Variants in ATF5 observed in about 807,000 individuals in gnomAD.
ATF5 encodes activating transcription factor 5, also known as cyclic AMP-dependent transcription factor ATF-5.
Under a neutral mutation model 4.6 loss-of-function variants are expected in ATF5, and 6 were observed. The observed-to-expected ratio is 1.31, with a 90% CI of 0.72 to 2.59. The LOEUF is 2.59. Among genes scored for constraint, ATF5 ranks in the 30% most tolerant of loss-of-function variants. The pLI, the probability that ATF5 is intolerant of heterozygous loss-of-function variation, is 0.00. For synonymous variants in ATF5, 193 were observed against 165.0 expected (o/e 1.17, Z -1.30); for missense variants, 410 against 368.7 (o/e 1.11, Z -0.92).
chr19:49,932,580 G>C lies in ATF5; in HGVS notation c.337G>C (p.Glu113Gln). Reference protein sequence around the residue: ...SLLKKELEQMEDFFLDAPPLP... With the variant: ...SLLKKELEQMQDFFLDAPPLP... ...CCTCAAGAAGGAGCTGGAACAGATG[G>C]AAGACTTCTTCCTAGATGCCCCGCC... Residue 113 changes from glutamate to glutamine, a missense_variant, in exon 3 of 3, where the codon GAA (glutamate) becomes CAA (glutamine). Transcript: ENST00000423777. 3 of 1,601,304 alleles carry C rather than the reference G, an allele frequency of 1.9e-6. No homozygotes were observed. The highest frequency in any genetic ancestry group is 2.6e-6 in the Non-Finnish European group (3 of 1,176,054).
At chr19:49,931,400 C>T (rs1367164732) in intron 2 of ATF5, among the ~76,000 whole-genome samples, 1 of 152,072 alleles carries the variant, frequency 6.6e-6, no homozygotes, top group Non-Finnish European at 1.5e-5. Flanking sequence ...GCCTGTAATC[C>T]CAGCACTTTG....
At position 49,932,500 on chromosome 19, in the gene ATF5, G is replaced by GCCCCCCCC; in HGVS notation, c.258_259insCCCCCCCC (p.Thr87ProfsTer34). On this transcript the variant is annotated frameshift_variant, in exon 3 of 3. Transcript: ENST00000423777. LOFTEE classifies it low-confidence loss of function (END_TRUNC). ...CCTCTGGAGCCTCCCTTACCCCCCGGCACCCTCCCCCAACCTTCCCCAACC... is the reference window on the plus strand; with the variant it reads ...CCTCTGGAGCCTCCCTTACCCCCCGGCCCCCCCCCACCCTCCCCCAACCTTCCCCAACC... 2 of 1,430,930 alleles carry GCCCCCCCC rather than the reference G, an allele frequency of 1.4e-6. No homozygotes were observed. Among genetic ancestry groups the GCCCCCCCC allele is most frequent in the Non-Finnish European group, 9.5e-7 (1 of 1,052,670 alleles). The allele number at this position is 1,430,930 out of a possible 1,614,324, so 88.6% of individuals were successfully genotyped here. A position where few individuals can be genotyped will look rare whatever the true frequency, so the allele number is the denominator to read the frequency against.
chr19:49,930,334 A>T (rs1472071861), intron 1 of ATF5: 2 of 152,148 alleles, frequency 1.3e-5, no homozygotes, highest in African/African-American at 4.8e-5. Flanking sequence ...GGCCAAAAGG[A>T]AATATTTTAG....
chr19:49,930,412 G>C, intron 1 of ATF5: 1 of 160,940 alleles, frequency 6.2e-6, no homozygotes, highest in Non-Finnish European at 1.3e-5. Context: ...AATATTCTGA[G>C]GTGGATGGGA....
rs1476671207 is a variant in ATF5 at position 49,933,294 on chromosome 19, C to G, written c.*202C>G. 1.3e-5 allele frequency: 6 copies of G among 468,568 alleles called. No homozygotes were observed. In the East Asian group the frequency reaches 1.7e-4, roughly 13 times the overall value. The allele number at this position is 468,568 out of a possible 1,614,324, so 29.0% of individuals were successfully genotyped here. A position where few individuals can be genotyped will look rare whatever the true frequency, so the allele number is the denominator to read the frequency against. Reference sequence around the variant, plus strand: ...TGGGCAACATAGTAAGACCCTGTCTCTATTAAAAAAAAAAAATCAACCCTT... The same window carrying G: ...TGGGCAACATAGTAAGACCCTGTCTGTATTAAAAAAAAAAAATCAACCCTT... On this transcript the variant is annotated 3_prime_UTR_variant, in exon 3 of 3. Coordinates refer to ENST00000423777, the MANE Select transcript of ATF5 (RefSeq NM_001193646.2).
chr19:49,931,066 G>T, intron 2 of ATF5, 38 bp downstream of exon 2: 1 of 1,455,292 alleles, frequency 6.9e-7, no homozygotes, highest in Non-Finnish European at 9.1e-7. Context: ...GGAGTGGAGG[G>T]CAGGGGAAGA....
Position 49,930,768 on chromosome 19 carries a change from C to T in ATF5, c.-83C>T, listed in dbSNP as rs575395939. ...TCGCCTTGGTGCCTGTCTTCGCCCACCTGAGCATCCTCCAGAGCCTCGTGC... is the reference window on the plus strand; with the variant it reads ...TCGCCTTGGTGCCTGTCTTCGCCCATCTGAGCATCCTCCAGAGCCTCGTGC... On this transcript the variant is annotated 5_prime_UTR_variant, in exon 2 of 3. Transcript: ENST00000423777. 3 of 1,281,498 alleles carry T rather than the reference C, an allele frequency of 2.3e-6. No homozygotes were observed. Among genetic ancestry groups the T allele is most frequent in the South Asian group, 1.6e-5 (1 of 60,770 alleles). 79.4% of individuals were successfully genotyped at this position (1,281,498 alleles called of 1,614,324 possible). A position where few individuals can be genotyped will look rare whatever the true frequency, so the allele number is the denominator to read the frequency against.
rs1050808877 is a variant in ATF5 at position 49,932,549 on chromosome 19, C to T, written c.306C>T (p.Ala102=). 1 of 1,565,160 alleles carries T rather than the reference C, an allele frequency of 6.4e-7. No homozygotes were observed. ...SPTPPDLEAM[A]SLLKKELEQM... Reference sequence around the variant, plus strand: ...CCCCACCTGACCTGGAAGCTATGGCCTCCCTCCTCAAGAAGGAGCTGGAAC... The same window carrying T: ...CCCCACCTGACCTGGAAGCTATGGCTTCCCTCCTCAAGAAGGAGCTGGAAC... The change falls in exon 3 of 3, where the codon GCC becomes GCT. Residue 102 remains alanine (A), a synonymous_variant. Coordinates refer to ENST00000423777, the MANE Select transcript of ATF5 (RefSeq NM_001193646.2).
In ATF5 at chr19:49,933,277, A is replaced by G; in HGVS notation, c.*185A>G. 1 of 565,064 alleles carries G rather than the reference A, an allele frequency of 1.8e-6. No homozygotes were observed. Among genetic ancestry groups the G allele is most frequent in the Admixed American group, 3.3e-5 (1 of 29,906 alleles). 35.0% of individuals were successfully genotyped at this position (565,064 alleles called of 1,614,324 possible). ...GGAGGTCAATACCAGCCTGGGCAAC[A>G]TAGTAAGACCCTGTCTCTATTAAAA... On this transcript the variant is annotated 3_prime_UTR_variant, in exon 3 of 3. Coordinates refer to ENST00000423777, the MANE Select transcript of ATF5 (RefSeq NM_001193646.2).
chr19:49,930,628 A>G, intron 1 of ATF5, 104 bp from the exon 2 acceptor site: 1 of 413,016 alleles, frequency 2.4e-6, no homozygotes, highest in East Asian at 3.6e-5. Flanking sequence ...AGGGGGAGGG[A>G]GGAGCCTCAT....
intron 2 of ATF5, among the ~76,000 whole-genome samples, chr19:49,931,614 TG>T (rs1328970416): frequency 2.0e-5 from 3 of 151,994 alleles, no homozygotes; most frequent in Non-Finnish European, 2.9e-5. Flanking sequence ...GCCACTGCAC[TG>T]CAGCCTGGGC....
intron 1 of ATF5, chr19:49,930,237 A>C (rs1456840819): frequency 1.3e-5 from 2 of 151,900 alleles, no homozygotes; most frequent in South Asian, 2.1e-4. Context: ...GAGGAGTGGG[A>C]TTTGAGTGGA....
chr19:49,929,536 GGCCGAAGGCGCGCGGCT>G (rs1341655349), intron 1 of ATF5, 136 bp downstream of exon 1: 1 of 152,338 alleles, frequency 6.6e-6, no homozygotes, highest in African/African-American at 2.4e-5. Flanking sequence ...TAGTACGGTG[GGCCGAAGGCGCGCGGCT>G]GCGCATGCGC....
At chr19:49,932,381 C>T (rs746964025) in intron 2 of ATF5, 41 bp from the exon 3 acceptor site, 8 of 1,607,180 alleles carry the variant, frequency 5.0e-6, no homozygotes, top group Non-Finnish European at 6.8e-6. Context: ...AGAAGACCAG[C>T]AACTCAGGGA....
upstream of ATF5, chr19:49,928,917 G>A (rs540655839): frequency 3.9e-5 from 6 of 152,670 alleles, no homozygotes; most frequent in East Asian, 1.9e-4. Flanking sequence ...GAGGCAGAAA[G>A]AGAAAGAAAC....
chr19:49,931,248 T>G (rs2076059526), intron 2 of ATF5: 1 of 419,818 alleles, frequency 2.4e-6, no homozygotes, highest in Non-Finnish European at 4.2e-6. Context: ...GAGAGTGTAT[T>G]GGAATAAGTC....
In ATF5 at chr19:49,930,896, C is replaced by T; in HGVS notation, c.46C>T (p.Leu16Phe). 1.2e-6 allele frequency: 2 copies of T among 1,611,010 alleles called. No homozygotes were observed. The highest frequency in any genetic ancestry group is 1.1e-5 in the South Asian group (1 of 90,600). ...GGGGCTGGAGCTGGACAGGGCCCTG[C>T]TCCCAGCTAGTGGGCTGGGATGGCT... is the stretch of plus-strand genomic sequence containing the variant. ...TLGLELDRAL[L>F]PASGLGWLVD... Residue 16 changes from leucine (L) to phenylalanine (F), a missense_variant, in exon 2 of 3, where the codon CTC becomes TTC. Coordinates refer to ENST00000423777, the MANE Select transcript of ATF5 (RefSeq NM_001193646.2).
In ATF5 at chr19:49,933,121, G is replaced by T; in HGVS notation, c.*29G>T. ...GGCAGGGGTGTGGCTTCTGGGGGCT[G>T]GTCTTCAGCTCTGGCGCCTTCATCC... On this transcript the variant is annotated 3_prime_UTR_variant, in exon 3 of 3. Coordinates refer to ENST00000423777, the MANE Select transcript of ATF5 (RefSeq NM_001193646.2). 6.5e-7 allele frequency: 1 copy of T among 1,539,790 alleles called. No individual in the cohort carries two copies.
rs1397513984 is a variant in ATF5, at chr19:49,932,417, C to T, written c.179-5C>T. On this transcript the variant is annotated splice_region_variant and splice_polypyrimidine_tract_variant and intron_variant, in intron 2 of 2. Coordinates refer to ENST00000423777, the MANE Select transcript of ATF5 (RefSeq NM_001193646.2). ...ATTTTGTGTCCCTCCCCACTTTAAT[C>T]CCAGGTGATGGCTTCTCTGACTGGA... 5 of 1,614,056 alleles carry T rather than the reference C, an allele frequency of 3.1e-6. No individual in the cohort carries two copies. In the African/African-American group the frequency reaches 4.0e-5, roughly 13 times the overall value.
Sources: allele counts gnomAD v4.1 joint callset (sites outside exome capture counted in the v4.1 genomes callset), GRCh38; gene constraint gnomAD v4.1.1; transcripts MANE v1.5; gene names NCBI Gene and HGNC (gene_info 2026-07-23, HGNC 2026-07-21).